Variants in MGAT5 observed in about 807,000 individuals in gnomAD.
MGAT5 encodes the protein alpha-1,6-mannosylglycoprotein 6-beta-N-acetylglucosaminyltransferase, also known as alpha-1,6-mannosylglycoprotein 6-beta-N-acetylglucosaminyltransferase A.
In MGAT5, 30 loss-of-function variants were observed where a neutral mutation model predicts 94.3. The observed-to-expected ratio is 0.32, with a 90% CI of 0.24 to 0.43. The LOEUF is 0.43. Ranked by LOEUF, MGAT5 falls within the 20% of genes least tolerant of loss-of-function variation. MGAT5 has a pLI of 1.00. For synonymous variants in MGAT5, 310 were observed against 322.9 expected, an observed-to-expected ratio of 0.96 and a Z score of 0.43; for missense variants, 691 against 905.5, an observed-to-expected ratio of 0.76 and a Z score of 3.04.
At chr2:134,344,302 T>A (rs1439460172) in intron 7 of MGAT5, among the ~76,000 whole-genome samples, 2 of 152,080 alleles carry the variant, frequency 1.3e-5, no homozygotes, top group African/African-American at 4.8e-5. Context: ...ATAGTGCTAG[T>A]TCTGTAATAT....
chr2:134,316,838 T>C (rs1214725070), intron 2 of MGAT5, among the ~76,000 whole-genome samples: 2 of 152,160 alleles, frequency 1.3e-5, no homozygotes, highest in African/African-American at 2.4e-5. Flanking sequence ...CCTTAGCTTC[T>C]CAAAGGCATT....
At chr2:134,359,000 T>C (rs1679919980) in intron 9 of MGAT5, among the ~76,000 whole-genome samples, 1 of 152,220 alleles carries the variant, frequency 6.6e-6, no homozygotes, top group Admixed American at 6.5e-5. Flanking sequence ...TTTGTAATCA[T>C]TTGTAAATAG....
intron 1 of MGAT5, among the ~76,000 whole-genome samples, chr2:134,207,893 A>G (rs3748896): frequency 0.45 from 67,757 of 152,032 alleles, 18,459 homozygotes; most frequent in African/African-American, 0.75. Flanking sequence ...TGACTCTGAT[A>G]CCTTGTTGGT....
intron 1 of MGAT5, among the ~76,000 whole-genome samples, chr2:134,204,292 G>A (rs563443354): frequency 1.1e-3 from 163 of 152,314 alleles, no homozygotes; most frequent in African/African-American, 3.8e-3. Flanking sequence ...CCTTACTGCT[G>A]TTGGATTTCT....
chr2:134,391,748 G>T (rs1317019445), intron 10 of MGAT5, among the ~76,000 whole-genome samples: 1 of 152,212 alleles, frequency 6.6e-6, no homozygotes, highest in Admixed American at 6.5e-5. Context: ...GACGTGGGAT[G>T]GACAAGAAAG....
chr2:134,176,440 C>A (rs1210260273), intron 1 of MGAT5, among the ~76,000 whole-genome samples: 5 of 151,726 alleles, frequency 3.3e-5, no homozygotes, highest in African/African-American at 1.2e-4. Context: ...GGTGTGCTGG[C>A]ATATGCCTGT....
In MGAT5 at chr2:134,135,743, C is replaced by A. The variant is rs892031823; in HGVS notation, c.-143+15452C>A. 8.8e-5 allele frequency among the ~76,000 whole-genome samples: 13 copies of A among 146,908 alleles called. No homozygotes were observed. In the East Asian group the frequency reaches 2.6e-3, roughly 29 times the overall value. On this transcript the variant is annotated intron_variant, in intron 1 of 16. Coordinates refer to the MGAT5 transcript ENST00000409645. Reference sequence around the variant, plus strand: ...ACCTTGGCCCACATGTGGGGTATAGCAGAAATAGAGATATTGGTCCCATAG... The same window carrying A: ...ACCTTGGCCCACATGTGGGGTATAGAAGAAATAGAGATATTGGTCCCATAG...
chr2:134,383,718 T>G (rs1027194505), intron 10 of MGAT5, among the ~76,000 whole-genome samples: 4 of 152,128 alleles, frequency 2.6e-5, no homozygotes, highest in African/African-American at 9.7e-5. Flanking sequence ...ATTTTTTTTT[T>G]TTTTTGAGAC....
intron 1 of MGAT5, among the ~76,000 whole-genome samples, chr2:134,245,674 GTCT>G (rs1682218638): frequency 6.6e-6 from 1 of 152,112 alleles, no homozygotes; most frequent in Admixed American, 6.5e-5. Flanking sequence ...CTTTCCATCT[GTCT>G]TCTTTATACC....
intron 1 of MGAT5, among the ~76,000 whole-genome samples, chr2:134,218,947 C>T (rs1680623086): frequency 6.6e-6 from 1 of 152,118 alleles, no homozygotes; most frequent in South Asian, 2.1e-4. Flanking sequence ...TTCTTAAAGG[C>T]TGTGTATCAT....
At chr2:134,183,354 A>G (rs940125886) in intron 1 of MGAT5, among the ~76,000 whole-genome samples, 2 of 152,190 alleles carry the variant, frequency 1.3e-5, no homozygotes, top group African/African-American at 4.8e-5. Flanking sequence ...TAATATAGAA[A>G]TTAGATTTGT....
chr2:134,441,243 G>C (rs72982203), intron 14 of MGAT5, among the ~76,000 whole-genome samples: 1 of 152,112 alleles, frequency 6.6e-6, no homozygotes, highest in Non-Finnish European at 1.5e-5. Flanking sequence ...ACCTCACAGC[G>C]TCAGAACCTT....
intron 2 of MGAT5, among the ~76,000 whole-genome samples, chr2:134,288,132 G>T (rs191585558): frequency 3.0e-4 from 45 of 152,196 alleles, no homozygotes; most frequent in African/African-American, 1.1e-3. Flanking sequence ...TGCTGGTTTG[G>T]CATGATTTTG....
At chr2:134,350,014 T>C (rs1451916511) in intron 9 of MGAT5, 76 bp downstream of exon 9, 3 of 1,548,200 alleles carry the variant, frequency 1.9e-6, no homozygotes, top group African/African-American at 1.4e-5. Context: ...CCATCTATTT[T>C]GGGTTATGAT....
chr2:134,403,365 C>G (rs941898762), intron 11 of MGAT5, among the ~76,000 whole-genome samples: 2 of 152,096 alleles, frequency 1.3e-5, no homozygotes, highest in Admixed American at 6.5e-5. Flanking sequence ...AGGACCTACT[C>G]AGTGTTAGGT....
At position 134,189,607 on chromosome 2, in the gene MGAT5, T is replaced by TTTTTTTTTTTTTTTTG. The variant is rs1553490420; in HGVS notation, c.-142-64642_-142-64641insTTGTTTTTTTTTTTTT. On this transcript the variant is annotated intron_variant, in intron 1 of 16. Coordinates refer to the MGAT5 transcript ENST00000409645. ...CATGGCTCTAGTTTTTTTTTGTTTT[T>TTTTTTTTTTTTTTTTG]TTTTTTTTTTTTTAAGACAGAGTCT... is the stretch of plus-strand genomic sequence containing the variant. Among the ~76,000 whole-genome samples, 119 of 80,634 alleles carry TTTTTTTTTTTTTTTTG rather than the reference T, an allele frequency of 1.5e-3. 3 individuals are homozygous for TTTTTTTTTTTTTTTTG. The highest frequency in any genetic ancestry group is 2.2e-3 in the Non-Finnish European group (94 of 42,838). The allele number at this position is 80,634 out of a possible 152,430, so 52.9% of individuals were successfully genotyped here.
At chr2:134,189,607 T>TTTG (rs1553490426) in intron 1 of MGAT5, among the ~76,000 whole-genome samples, 7 of 80,618 alleles carry the variant, frequency 8.7e-5, no homozygotes, top group Non-Finnish European at 4.7e-5. Flanking sequence ...TTTTTGTTTT[T>TTTG]TTTTTTTTTT....
At chr2:134,133,624 C>G (rs969473062) in intron 1 of MGAT5, among the ~76,000 whole-genome samples, 1 of 152,178 alleles carries the variant, frequency 6.6e-6, no homozygotes, top group African/African-American at 2.4e-5. Flanking sequence ...TTAATAGATT[C>G]ATTGCACACA....
At chr2:134,385,934 T>C (rs1444533680) in intron 10 of MGAT5, among the ~76,000 whole-genome samples, 1 of 151,762 alleles carries the variant, frequency 6.6e-6, no homozygotes, top group Non-Finnish European at 1.5e-5. Context: ...TCTAATAGAG[T>C]GGGGAAATAT....
Sources: allele counts gnomAD v4.1 joint callset (sites outside exome capture counted in the v4.1 genomes callset), GRCh38; gene constraint gnomAD v4.1.1; transcripts MANE v1.5; gene names NCBI Gene and HGNC (gene_info 2026-07-23, HGNC 2026-07-21).